Variants in TRPS1 observed in about 807,000 individuals in gnomAD.
TRPS1 encodes transcriptional repressor GATA binding 1.
In TRPS1, 6 loss-of-function variants were observed where a neutral mutation model predicts 101.2. That is an observed-to-expected ratio of 0.06 (90% CI 0.03 to 0.12). The LOEUF is 0.12. TRPS1 is among the 10% of genes least tolerant of loss of function. The pLI, the probability that TRPS1 is intolerant of heterozygous loss-of-function variation, is 1.00. For missense variants in TRPS1, 1,363 were observed against 1,567.0 expected (o/e 0.87, Z 2.20); for synonymous variants, 578 against 589.8 (o/e 0.98, Z 0.29).
At chr8:115,508,396 C>T (rs1361739466) in intron 5 of TRPS1, among the ~76,000 whole-genome samples, 1 of 152,074 alleles carries the variant, frequency 6.6e-6, no homozygotes, top group East Asian at 1.9e-4. Context: ...AAATTCTCTA[C>T]ATTTCCTGTC....
chr8:115,580,245 A>ATATAT (rs1554591594), intron 5 of TRPS1, among the ~76,000 whole-genome samples: 25 of 139,874 alleles, frequency 1.8e-4, no homozygotes, highest in Middle Eastern at 3.8e-3. Context: ...AAAAAAAAAA[A>ATATAT]ATATATATAT....
chr8:115,636,945 A>AC (rs907861383), intron 1 of TRPS1, among the ~76,000 whole-genome samples: 8 of 151,898 alleles, frequency 5.3e-5, no homozygotes, highest in Non-Finnish European at 1.0e-4. Flanking sequence ...GCAAAAAAAA[A>AC]ACACACACAA....
intron 5 of TRPS1, among the ~76,000 whole-genome samples, chr8:115,565,161 C>G (rs1175660157): frequency 6.6e-6 from 1 of 152,106 alleles, no homozygotes; most frequent in Non-Finnish European, 1.5e-5. Context: ...TGCTGACAAG[C>G]AGAAAGCAGT....
intron 5 of TRPS1, among the ~76,000 whole-genome samples, chr8:115,485,699 G>A (rs1045924269): frequency 2.6e-5 from 4 of 152,024 alleles, no homozygotes; most frequent in African/African-American, 9.7e-5. Context: ...AAGCTGAGGC[G>A]AAAAGGCACA....
At chr8:115,519,307 G>C (rs967962430) in intron 5 of TRPS1, among the ~76,000 whole-genome samples, 5 of 151,506 alleles carry the variant, frequency 3.3e-5, no homozygotes, top group Non-Finnish European at 5.9e-5. Flanking sequence ...TTATCAGAAA[G>C]GATTTACCAG....
At chr8:115,587,770 T>A (rs529961169) in intron 4 of TRPS1, among the ~76,000 whole-genome samples, 166 bp from the exon 5 acceptor site, 1 of 152,300 alleles carries the variant, frequency 6.6e-6, no homozygotes, top group African/African-American at 2.4e-5. Context: ...TAACAGGCAT[T>A]TTCAGTTCTA....
chr8:115,640,029 C>T (rs187138836), intron 1 of TRPS1, among the ~76,000 whole-genome samples: 217 of 152,200 alleles, frequency 1.4e-3, no homozygotes, highest in Middle Eastern at 3.4e-3. Context: ...CAGTATGTTA[C>T]AGTATTAGCA....
At chr8:115,574,271 T>C (rs1817268814) in intron 5 of TRPS1, among the ~76,000 whole-genome samples, 1 of 152,190 alleles carries the variant, frequency 6.6e-6, no homozygotes, top group East Asian at 1.9e-4. Flanking sequence ...TCTATTTCTT[T>C]CAAGTTTGAG....
At chr8:115,494,717 C>T (rs1815107231) in intron 5 of TRPS1, among the ~76,000 whole-genome samples, 1 of 152,154 alleles carries the variant, frequency 6.6e-6, no homozygotes, top group African/African-American at 2.4e-5. Flanking sequence ...TCAAGGGTCA[C>T]ATTTTAACCT....
At chr8:115,609,311 T>C (rs1818110097) in intron 3 of TRPS1, among the ~76,000 whole-genome samples, 2 of 152,308 alleles carry the variant, frequency 1.3e-5, no homozygotes, top group South Asian at 4.2e-4. Context: ...GGTAAATTCA[T>C]TCAGTGACAA....
intron 6 of TRPS1, among the ~76,000 whole-genome samples, chr8:115,415,988 GA>G (rs767942949): frequency 4.6e-5 from 7 of 151,826 alleles, no homozygotes; most frequent in Non-Finnish European, 8.8e-5. Flanking sequence ...AATAGAGAGG[GA>G]TTTTTTTTTT....
rs71287270 is a variant in TRPS1 at position 115,409,281 on chromosome 8, A to AAAAAAAAG, written c.*4741_*4742insCTTTTTTT. 2 of 144,568 alleles carry AAAAAAAAG rather than the reference A, an allele frequency of 1.4e-5. No individual in the cohort carries two copies. Among genetic ancestry groups the AAAAAAAAG allele is most frequent in the Admixed American group, 6.9e-5 (1 of 14,412 alleles). The allele number at this position is 144,568 out of a possible 1,614,324, so 9.0% of individuals were successfully genotyped here. A position where few individuals can be genotyped will look rare whatever the true frequency, so the allele number is the denominator to read the frequency against. Reference sequence around the variant, plus strand: ...GTTGGGAAAAAAAAAAAAAAAAAAAACAGGGGAAAACCAGAATTGAGTTTT... The same window carrying AAAAAAAAG: ...GTTGGGAAAAAAAAAAAAAAAAAAAAAAAAAAAGCAGGGGAAAACCAGAATTGAGTTTT... On this transcript the variant is annotated 3_prime_UTR_variant, in exon 7 of 7. Transcript: ENST00000395715.
chr8:115,545,306 T>C (rs1816544988), intron 5 of TRPS1, among the ~76,000 whole-genome samples: 2 of 152,322 alleles, frequency 1.3e-5, no homozygotes, highest in East Asian at 1.9e-4. Context: ...GTCAGTGTGG[T>C]AACCTATCTA....
intron 5 of TRPS1, among the ~76,000 whole-genome samples, chr8:115,493,936 T>C (rs1055486303): frequency 6.6e-6 from 1 of 152,186 alleles, no homozygotes; most frequent in Non-Finnish European, 1.5e-5. Flanking sequence ...TAAAGGAAAC[T>C]CTAAATTCCA....
At chr8:115,461,294 TAGATAGAC>T (rs1253903515) in intron 5 of TRPS1, among the ~76,000 whole-genome samples, 5 of 33,098 alleles carry the variant, frequency 1.5e-4, no homozygotes, top group Admixed American at 4.2e-4. Flanking sequence ...GATAGATAGA[TAGATAGAC>T]AGATACATAC....
At chr8:115,533,434 C>CTTTTTTTTT (rs1427634638) in intron 5 of TRPS1, among the ~76,000 whole-genome samples, 4 of 32,348 alleles carry the variant, frequency 1.2e-4, no homozygotes, top group South Asian at 2.4e-3. Flanking sequence ...CACATGTAAT[C>CTTTTTTTTT]TGTTTTTTTT....
In TRPS1 at chr8:115,619,510, G is replaced by A. The variant is rs755470162; in HGVS notation, c.588C>T (p.Ala196=). 1 of 1,614,130 alleles carries A rather than the reference G, an allele frequency of 6.2e-7. No homozygotes were observed. Among genetic ancestry groups the A allele is most frequent in the Non-Finnish European group, 8.5e-7 (1 of 1,180,018 alleles). ...CTGAAGGCACTTGTGGGTTTTTTGA[G>A]GCCACTGAAACTGGGCTCAAACCTT... ...NCQGLSPVSV[A]SKNPQVPSDG... is the part of the protein sequence containing the mutation. The change falls in exon 3 of 7, where the codon GCC becomes GCT. Residue 196 remains alanine, a synonymous_variant. Coordinates refer to ENST00000395715, the MANE Select transcript of TRPS1 (RefSeq NM_014112.5).
In TRPS1 at chr8:115,476,298, C is replaced by T. The variant is rs1814605911; in HGVS notation, c.2701-57846G>A. ...CCTCCCAAAGTGCTGGGATTACAGG[C>T]GTGAGCCACCGCGCCCGGCCCAGAA... On this transcript the variant is annotated intron_variant, in intron 5 of 6. Transcript: ENST00000395715. 2.2e-4 allele frequency among the ~76,000 whole-genome samples: 4 copies of T among 18,408 alleles called. 2 individuals carry two copies. The South Asian group carries it at 7.9e-3, about 37-fold the overall frequency. The allele number at this position is 18,408 out of a possible 152,430, so 12.1% of individuals were successfully genotyped here.
At chr8:115,599,539 G>A (rs114119575) in intron 4 of TRPS1, among the ~76,000 whole-genome samples, 2,518 of 152,084 alleles carry the variant, frequency 0.017, 61 homozygotes, top group African/African-American at 0.058. Flanking sequence ...CCTCCACACC[G>A]TGTCCATATG....
Sources: gnomAD v4.1 joint callset for allele counts (sites outside exome capture counted in the v4.1 genomes callset) on GRCh38, gnomAD v4.1.1 for gene constraint, MANE v1.5 for transcripts, NCBI Gene and HGNC (gene_info 2026-07-23, HGNC 2026-07-21) for gene names.